ARHGAP15: variants seen among roughly 807,000 people sequenced by gnomAD.
The protein encoded by ARHGAP15 is rho GTPase-activating protein 15.
Under a neutral mutation model 63.7 loss-of-function variants are expected in ARHGAP15, and 51 were observed. The observed-to-expected ratio is 0.80, with a 90% confidence interval of 0.64 to 1.01. The LOEUF is 1.01. Ranked by LOEUF, ARHGAP15 falls within the 50% of genes least tolerant of loss-of-function variation. ARHGAP15 has a pLI of 0.00. For missense variants in ARHGAP15, 560 were observed against 564.6 expected, an observed-to-expected ratio of 0.99 and a Z score of 0.08; for synonymous variants, 191 against 193.8, an observed-to-expected ratio of 0.99 and a Z score of 0.12.
At chr2:143,481,363 G>C (rs1437273296) in intron 8 of ARHGAP15, among the ~76,000 whole-genome samples, 1 of 151,800 alleles carries the variant, frequency 6.6e-6, no homozygotes, top group African/African-American at 2.4e-5. Context: ...CTTTCCTTTA[G>C]CAACATTTCT....
chr2:143,657,338 C>T (rs1681507457), intron 12 of ARHGAP15, among the ~76,000 whole-genome samples: 1 of 152,160 alleles, frequency 6.6e-6, no homozygotes, highest in Non-Finnish European at 1.5e-5. Context: ...CAGAGTGAGG[C>T]TCCGCATCTT....
intron 11 of ARHGAP15, among the ~76,000 whole-genome samples, chr2:143,603,651 C>A (rs1025101437): frequency 2.0e-5 from 3 of 152,166 alleles, no homozygotes; most frequent in African/African-American, 7.2e-5. Flanking sequence ...GATGGCAATA[C>A]AAAGAATCTT....
intron 13 of ARHGAP15, among the ~76,000 whole-genome samples, chr2:143,716,557 G>GA (rs950891960): frequency 3.5e-4 from 52 of 149,176 alleles, no homozygotes; most frequent in African/African-American, 9.1e-4. Flanking sequence ...ATCAGCTGAA[G>GA]AAAAAAAAAA....
At chr2:143,397,534 A>G (rs1371214178) in intron 6 of ARHGAP15, among the ~76,000 whole-genome samples, 1 of 151,566 alleles carries the variant, frequency 6.6e-6, no homozygotes, top group East Asian at 1.9e-4. Flanking sequence ...CTGTGTGGAA[A>G]CAATTAATAT....
Position 143,288,026 on chromosome 2 carries a change from A to G in ARHGAP15, c.474+37426A>G, listed in dbSNP as rs566703683. On this transcript the variant is annotated intron_variant, in intron 6 of 13. Coordinates refer to ENST00000295095, the MANE Select transcript of ARHGAP15 (RefSeq NM_018460.4). ...CTCCTCAAGTTCCTGGTATTCCCTG[A>G]TGGTTCAGAACTCATACACCTTGGC... Among the ~76,000 whole-genome samples the G allele has an allele frequency of 2.0e-5, 3 of 152,302 alleles. No homozygotes were observed. In the South Asian group the frequency reaches 6.2e-4, roughly 32 times the overall value.
At chr2:143,526,633 T>C (rs1694293710) in intron 10 of ARHGAP15, among the ~76,000 whole-genome samples, 1 of 152,116 alleles carries the variant, frequency 6.6e-6, no homozygotes, top group Admixed American at 6.6e-5. Context: ...ATGCAGAACT[T>C]AAGAGTTCCA....
chr2:143,365,767 C>T (rs915490044), intron 6 of ARHGAP15, among the ~76,000 whole-genome samples: 1 of 152,122 alleles, frequency 6.6e-6, no homozygotes, highest in Non-Finnish European at 1.5e-5. Context: ...TAATCATACC[C>T]ACCTTTGAAA....
At chr2:143,646,159 C>T (rs778457923) in intron 12 of ARHGAP15, among the ~76,000 whole-genome samples, 3 of 151,986 alleles carry the variant, frequency 2.0e-5, no homozygotes, top group Non-Finnish European at 4.4e-5. Context: ...ACAAGTGCAG[C>T]ACCATAATAA....
intron 6 of ARHGAP15, among the ~76,000 whole-genome samples, chr2:143,258,678 A>G (rs1680548123): frequency 6.6e-6 from 1 of 152,178 alleles, no homozygotes; most frequent in African/African-American, 2.4e-5. Flanking sequence ...GAAATGGTTG[A>G]TGTTGGGGAG....
At chr2:143,508,526 G>A (rs1291171219) in intron 9 of ARHGAP15, among the ~76,000 whole-genome samples, 3 of 152,212 alleles carry the variant, frequency 2.0e-5, no homozygotes, top group Non-Finnish European at 2.9e-5. Context: ...CTCATAGATG[G>A]TTAGATTCAA....
chr2:143,304,889 T>G (rs941935391), intron 6 of ARHGAP15, among the ~76,000 whole-genome samples: 1 of 152,008 alleles, frequency 6.6e-6, no homozygotes, highest in Non-Finnish European at 1.5e-5. Context: ...GAGTGTAAAT[T>G]AGTTCAACCA....
At chr2:143,165,490 C>G (rs186797680) in intron 2 of ARHGAP15, among the ~76,000 whole-genome samples, 11 of 152,142 alleles carry the variant, frequency 7.2e-5, no homozygotes, top group African/African-American at 2.6e-4. Flanking sequence ...GACAGGAAAA[C>G]AAAGTGACAG....
At chr2:143,176,315 A>T (rs1355789299) in intron 2 of ARHGAP15, among the ~76,000 whole-genome samples, 1 of 152,204 alleles carries the variant, frequency 6.6e-6, no homozygotes, top group Non-Finnish European at 1.5e-5. Context: ...GTTTTCAAAA[A>T]CAATTGAGAA....
At chr2:143,246,876 G>A (rs1436737081) in intron 5 of ARHGAP15, among the ~76,000 whole-genome samples, 1 of 152,188 alleles carries the variant, frequency 6.6e-6, no homozygotes, top group Non-Finnish European at 1.5e-5. Flanking sequence ...GAGACAAGGT[G>A]AAGGAGTGAG....
intron 12 of ARHGAP15, among the ~76,000 whole-genome samples, chr2:143,646,789 T>G (rs536169973): frequency 6.6e-6 from 1 of 152,158 alleles, no homozygotes; most frequent in East Asian, 1.9e-4. Flanking sequence ...CAAAATAACA[T>G]CATGCAGTAG....
chr2:143,254,301 A>C (rs1364605248), intron 6 of ARHGAP15, among the ~76,000 whole-genome samples: 1 of 152,090 alleles, frequency 6.6e-6, no homozygotes, highest in Non-Finnish European at 1.5e-5. Context: ...CCCTCACACA[A>C]GCGGGGCTAC....
chr2:143,357,504 A>T (rs1685859937), intron 6 of ARHGAP15, among the ~76,000 whole-genome samples: 1 of 152,180 alleles, frequency 6.6e-6, no homozygotes, highest in African/African-American at 2.4e-5. Flanking sequence ...TCCTGAACCC[A>T]AAGGTTAACT....
chr2:143,179,527 C>T (rs10184671), intron 2 of ARHGAP15, among the ~76,000 whole-genome samples: 41,590 of 151,992 alleles, frequency 0.27, 6,593 homozygotes, highest in East Asian at 0.45. Flanking sequence ...TTTGATTTCA[C>T]AGAGCAAATA....
chr2:143,470,894 A>ATG (rs1295754594), intron 8 of ARHGAP15, among the ~76,000 whole-genome samples: 2 of 149,026 alleles, frequency 1.3e-5, no homozygotes, highest in East Asian at 2.0e-4. Context: ...ACGTATATTT[A>ATG]TGTGTGTATA....
Sources: gnomAD v4.1 joint callset for allele counts (sites outside exome capture counted in the v4.1 genomes callset) on GRCh38, gnomAD v4.1.1 for gene constraint, MANE v1.5 for transcripts, NCBI Gene and HGNC (gene_info 2026-07-23, HGNC 2026-07-21) for gene names.